Variants in TIFA observed in about 807,000 individuals in gnomAD.
TIFA encodes TRAF-interacting protein with FHA domain-containing protein A.
For missense variants in TIFA, 186 were observed against 215.2 expected, an observed-to-expected ratio of 0.86 and a Z score of 0.85; for synonymous variants, 75 against 79.2, an observed-to-expected ratio of 0.95 and a Z score of 0.28.
intron 1 of TIFA, among the ~76,000 whole-genome samples, chr4:112,283,481 A>G (rs1727262321): frequency 6.6e-6 from 1 of 152,198 alleles, no homozygotes; most frequent in Non-Finnish European, 1.5e-5. Flanking sequence ...AAATGAATCT[A>G]TTTGTTTATC....
chr4:112,275,680 C>G lies in TIFA; in HGVS notation c.*2182G>C, dbSNP rs544537043. The G allele has an allele frequency of 1.3e-5, 2 of 152,282 alleles. No homozygotes were observed. Among genetic ancestry groups the G allele is most frequent in the South Asian group, 4.1e-4 (2 of 4,826 alleles). 9.4% of individuals were successfully genotyped at this position (152,282 alleles called of 1,614,324 possible). On this transcript the variant is annotated 3_prime_UTR_variant, in exon 2 of 2. Coordinates refer to ENST00000361717, the MANE Select transcript of TIFA (RefSeq NM_052864.3). ...TGAACAAAACCCTTTCCAAGATTTA[C>G]ATTAGGAGAAATCATTATTCTGTAC...
chr4:112,282,197 C>T (rs191265956), intron 1 of TIFA, among the ~76,000 whole-genome samples: 1 of 152,322 alleles, frequency 6.6e-6, no homozygotes, highest in East Asian at 1.9e-4. Context: ...ATGTGACTTG[C>T]TCCTCCTTGC....
rs1421404451 is a variant in TIFA, at chr4:112,276,651, C to T, written c.*1211G>A. 2 of 152,210 alleles carry T rather than the reference C, an allele frequency of 1.3e-5. No homozygotes were observed. Among genetic ancestry groups the T allele is most frequent in the African/African-American group, 4.8e-5 (2 of 41,438 alleles). 9.4% of individuals were successfully genotyped at this position (152,210 alleles called of 1,614,324 possible). A position where few individuals can be genotyped will look rare whatever the true frequency, so the allele number is the denominator to read the frequency against. On this transcript the variant is annotated 3_prime_UTR_variant, in exon 2 of 2. Transcript: ENST00000361717. ...GGGGAGTCGGGGTTAGGGTGCTGGA[C>T]ATCACATACTACTGCCCAGGAATAG...
At chr4:112,284,784 CT>C (rs1286228975) in intron 1 of TIFA, among the ~76,000 whole-genome samples, 1 of 152,034 alleles carries the variant, frequency 6.6e-6, no homozygotes, top group Non-Finnish European at 1.5e-5. Context: ...CTGTCTAACC[CT>C]GCTCAACAGG....
chr4:112,285,178 C>A (rs2110508311), intron 1 of TIFA, among the ~76,000 whole-genome samples: 1 of 152,134 alleles, frequency 6.6e-6, no homozygotes, highest in East Asian at 1.9e-4. Context: ...AGCAAGGAGT[C>A]AGGTCTAGGA....
rs936563786 is a variant in TIFA, at chr4:112,275,518, T to C, written c.*2344A>G. 11 of 152,234 alleles carry C rather than the reference T, an allele frequency of 7.2e-5. No homozygotes were observed. The highest frequency in any genetic ancestry group is 2.4e-4 in the African/African-American group (10 of 41,462). The allele number at this position is 152,234 out of a possible 1,614,324, so 9.4% of individuals were successfully genotyped here. A position where few individuals can be genotyped will look rare whatever the true frequency, so the allele number is the denominator to read the frequency against. ...TCTTTCATTATTAAAGCGTTCATTA[T>C]TATTTACTACCGGAGTTGGGCTATG... On this transcript the variant is annotated 3_prime_UTR_variant, in exon 2 of 2. Coordinates refer to ENST00000361717, the MANE Select transcript of TIFA (RefSeq NM_052864.3).
chr4:112,277,732 TAC>T lies in TIFA; in HGVS notation c.*128_*129del, dbSNP rs5861096. The T allele has an allele frequency of 0.52, 502,252 of 957,498 alleles. 133,991 individuals are homozygous for T. The highest frequency in any genetic ancestry group is 0.77 in the African/African-American group (45,500 of 59,384). The allele number at this position is 957,498 out of a possible 1,614,324, so 59.3% of individuals were successfully genotyped here. On this transcript the variant is annotated 3_prime_UTR_variant, in exon 2 of 2. Coordinates refer to ENST00000361717, the MANE Select transcript of TIFA (RefSeq NM_052864.3). ...CAATTTACAGACTTCAAAATGATAA[TAC>T]TGAATTCCAAATTTCACAGCATAAC...
chr4:112,282,181 T>C (rs894147515), intron 1 of TIFA, among the ~76,000 whole-genome samples: 1 of 152,194 alleles, frequency 6.6e-6, no homozygotes, highest in Non-Finnish European at 1.5e-5. Flanking sequence ...CTGCCATCCA[T>C]GTAAGATGTG....
At chr4:112,280,542 G>A (rs1292725540) in intron 1 of TIFA, among the ~76,000 whole-genome samples, 1 of 151,744 alleles carries the variant, frequency 6.6e-6, no homozygotes, top group Non-Finnish European at 1.5e-5. Context: ...TAGAGACAGG[G>A]TTTTACCATG....
At chr4:112,278,658 A>T (rs142431594) in intron 1 of TIFA, among the ~76,000 whole-genome samples, 549 of 152,332 alleles carry the variant, frequency 3.6e-3, no homozygotes, top group African/African-American at 0.012. Context: ...TTCTAGTTTG[A>T]CTATAACACC....
Position 112,275,944 on chromosome 4 carries a change from G to A in TIFA, c.*1918C>T, listed in dbSNP as rs561900194. On this transcript the variant is annotated 3_prime_UTR_variant, in exon 2 of 2. Coordinates refer to ENST00000361717, the MANE Select transcript of TIFA (RefSeq NM_052864.3). ...AGACTACACACTGTAAGCAATTCAA[G>A]CCGGGTGATCTGGCTGTAAACCCAC... The A allele has an allele frequency of 2.0e-5, 3 of 152,232 alleles. No individual in the cohort carries two copies. In the South Asian group the frequency reaches 6.2e-4, roughly 32 times the overall value. The allele number at this position is 152,232 out of a possible 1,614,324, so 9.4% of individuals were successfully genotyped here.
Position 112,278,371 on chromosome 4 carries a change from G to A in TIFA, c.46C>T (p.Leu16Phe), listed in dbSNP as rs1201502442. The change falls in exon 2 of 2, where the codon CTC becomes TTC. Residue 16 changes from leucine to phenylalanine, a missense_variant. Transcript: ENST00000361717. The part of the protein sequence containing the change: ...DADTEETVTC[L>F]QMTVYHPGQL... ...CCAGGATGGTAAACCGTCATCTGGA[G>A]ACAAGTTACTGTCTCTTCTGTGTCA... The A allele has an allele frequency of 6.2e-7, 1 of 1,600,112 alleles. No individual in the cohort carries two copies. Among genetic ancestry groups the A allele is most frequent in the South Asian group, 1.1e-5 (1 of 88,618 alleles).
chr4:112,277,675 A>ATTGT lies in TIFA; in HGVS notation c.*186_*187insACAA. 1 of 363,386 alleles carries ATTGT rather than the reference A, an allele frequency of 2.8e-6. No individual in the cohort carries two copies. Among genetic ancestry groups the ATTGT allele is most frequent in the Non-Finnish European group, 4.6e-6 (1 of 217,560 alleles). 22.5% of individuals were successfully genotyped at this position (363,386 alleles called of 1,614,324 possible). On this transcript the variant is annotated 3_prime_UTR_variant, in exon 2 of 2. Coordinates refer to ENST00000361717, the MANE Select transcript of TIFA (RefSeq NM_052864.3). ...TTAAAATAATTTTGTGTAGATCCAG[A>ATTGT]ATACAACAGGTGACTAAGTTAATGA...
rs1174339458 is a variant in TIFA, at chr4:112,275,984, TAAAATCCTAG to T, written c.*1868_*1877del. The T allele has an allele frequency of 1.3e-5, 2 of 152,328 alleles. No individual in the cohort carries two copies. The highest frequency in any genetic ancestry group is 2.9e-5 in the Non-Finnish European group (2 of 68,024). 9.4% of individuals were successfully genotyped at this position (152,328 alleles called of 1,614,324 possible). A position where few individuals can be genotyped will look rare whatever the true frequency, so the allele number is the denominator to read the frequency against. On this transcript the variant is annotated 3_prime_UTR_variant, in exon 2 of 2. Coordinates refer to ENST00000361717, the MANE Select transcript of TIFA (RefSeq NM_052864.3). Reference sequence around the variant, plus strand: ...TGTAAACCCACATCAGACCAGAAGCTAAAATCCTAGAAAGAATCAATAGTAGATAACCTTA... The same window carrying T: ...TGTAAACCCACATCAGACCAGAAGCTAAAGAATCAATAGTAGATAACCTTA...
intron 1 of TIFA, among the ~76,000 whole-genome samples, chr4:112,284,026 G>T (rs561764840): frequency 6.6e-5 from 10 of 152,264 alleles, no homozygotes; most frequent in African/African-American, 2.2e-4. Context: ...AATAAATATA[G>T]AAATAAAAAT....
At position 112,285,700 on chromosome 4, in the gene TIFA, G is replaced by C. The variant is rs1247939258; in HGVS notation, c.-79C>G. ...TTCGGCTCTCCCGGCTCAGAGCGAGGGGAATCGAGGAGACTGGGCGCAGGA... is the reference window on the plus strand; with the variant it reads ...TTCGGCTCTCCCGGCTCAGAGCGAGCGGAATCGAGGAGACTGGGCGCAGGA... On this transcript the variant is annotated 5_prime_UTR_variant, in exon 1 of 2. Coordinates refer to ENST00000361717, the MANE Select transcript of TIFA (RefSeq NM_052864.3). The C allele has an allele frequency of 6.6e-6, 1 of 152,398 alleles. No individual in the cohort carries two copies. The highest frequency in any genetic ancestry group is 2.4e-5 in the African/African-American group (1 of 41,466). The allele number at this position is 152,398 out of a possible 1,614,324, so 9.4% of individuals were successfully genotyped here.
rs370610381 is a variant in TIFA, at chr4:112,275,261, C to A, written c.*2601G>T. 1.3e-5 allele frequency: 2 copies of A among 152,176 alleles called. No homozygotes were observed. The highest frequency in any genetic ancestry group is 2.9e-5 in the Non-Finnish European group (2 of 68,056). 9.4% of individuals were successfully genotyped at this position (152,176 alleles called of 1,614,324 possible). A position where few individuals can be genotyped will look rare whatever the true frequency, so the allele number is the denominator to read the frequency against. On this transcript the variant is annotated 3_prime_UTR_variant, in exon 2 of 2. Coordinates refer to ENST00000361717, the MANE Select transcript of TIFA (RefSeq NM_052864.3). ...TGGAACTGAAATCAAGAGATCAGGT[C>A]TCTTTGGGGGATCAATAACGTGTAA...
At chr4:112,279,713 C>A (rs934502171) in intron 1 of TIFA, among the ~76,000 whole-genome samples, 3 of 151,106 alleles carry the variant, frequency 2.0e-5, no homozygotes, top group Non-Finnish European at 4.4e-5. Context: ...GTCGCCCAGG[C>A]TGGAGTGCAA....
In TIFA at chr4:112,285,885, C is replaced by T. The variant is rs1043038086; in HGVS notation, c.-264G>A. ...CTGGCTGGCAGAGCACGTCCTCTCG[C>T]GCCCGGGGCCTTTGTAAAGAGCGCA... is the stretch of plus-strand genomic sequence containing the variant. On this transcript the variant is annotated 5_prime_UTR_variant, in exon 1 of 2. Transcript: ENST00000361717. 6.6e-6 allele frequency: 1 copy of T among 152,264 alleles called. No individual in the cohort carries two copies. The highest frequency in any genetic ancestry group is 6.5e-5 in the Admixed American group (1 of 15,290). 9.4% of individuals were successfully genotyped at this position (152,264 alleles called of 1,614,324 possible). A position where few individuals can be genotyped will look rare whatever the true frequency, so the allele number is the denominator to read the frequency against.
Sources: allele counts gnomAD v4.1 joint callset (sites outside exome capture counted in the v4.1 genomes callset), GRCh38; gene constraint gnomAD v4.1.1; transcripts MANE v1.5; gene names NCBI Gene and HGNC (gene_info 2026-07-23, HGNC 2026-07-21).